MAP4K4: variants seen among roughly 807,000 people sequenced by gnomAD.
MAP4K4 encodes the protein mitogen-activated protein kinase kinase kinase kinase 4, also known as HPK/GCK-like kinase HGK.
In MAP4K4, 38 loss-of-function variants were observed where a neutral mutation model predicts 189.6. The ratio of observed to expected loss-of-function variants is 0.20; its 90% CI spans 0.15 to 0.26. The LOEUF (loss-of-function observed/expected upper bound fraction) is 0.26. Among genes scored for constraint, MAP4K4 ranks in the 10% least tolerant of loss-of-function variants. The pLI, the probability that MAP4K4 is intolerant of heterozygous loss-of-function variation, is 1.00. For synonymous variants in MAP4K4, 610 were observed against 624.3 expected (o/e 0.98, Z 0.34); for missense variants, 1,054 against 1,726.9 (o/e 0.61, Z 6.91).
At chr2:101,890,472 T>C (rs1384136112) in intron 32 of MAP4K4, among the ~76,000 whole-genome samples, 1 of 152,198 alleles carries the variant, frequency 6.6e-6, no homozygotes, top group Admixed American at 6.5e-5. Flanking sequence ...TTTGTTTGTT[T>C]TGGTGACGGA....
chr2:101,862,240 TAAAAAAAAAAAAAAAA>T (rs57229844), intron 16 of MAP4K4: 2 of 59,104 alleles, frequency 3.4e-5, no homozygotes, highest in Non-Finnish European at 5.9e-5. Context: ...GACTCCATCT[TAAAAAAAAAAAAAAAA>T]AAAAAAAAAA....
At chr2:101,725,971 T>C (rs894268091) in intron 2 of MAP4K4, among the ~76,000 whole-genome samples, 2 of 147,538 alleles carry the variant, frequency 1.4e-5, no homozygotes, top group African/African-American at 5.4e-5. Context: ...GGATAAAAGC[T>C]GAGTGTTCTT....
intron 2 of MAP4K4, among the ~76,000 whole-genome samples, chr2:101,774,493 GTC>G (rs1354780009): frequency 6.6e-6 from 1 of 152,052 alleles, no homozygotes; most frequent in African/African-American, 2.4e-5. Context: ...TGCAAATATT[GTC>G]TCTCATTCTG....
At chr2:101,764,867 A>C (rs532668166) in intron 2 of MAP4K4, among the ~76,000 whole-genome samples, 1 of 152,308 alleles carries the variant, frequency 6.6e-6, no homozygotes, top group Admixed American at 6.5e-5. Context: ...GATGCTTTTA[A>C]GTGAAATAAT....
At chr2:101,717,671 A>G (rs1044070969) in intron 2 of MAP4K4, among the ~76,000 whole-genome samples, 3 of 152,204 alleles carry the variant, frequency 2.0e-5, no homozygotes, top group African/African-American at 7.2e-5. Flanking sequence ...TGCGCAAGCC[A>G]TTTGTTTCTG....
At chr2:101,886,219 T>G (rs1328798179) in intron 29 of MAP4K4, among the ~76,000 whole-genome samples, 1 of 152,256 alleles carries the variant, frequency 6.6e-6, no homozygotes, top group Non-Finnish European at 1.5e-5. Flanking sequence ...ACCGTACTAG[T>G]TGGTTTTATA....
intron 2 of MAP4K4, among the ~76,000 whole-genome samples, chr2:101,789,910 T>G (rs2148790405): frequency 6.6e-6 from 1 of 152,110 alleles, no homozygotes; most frequent in East Asian, 1.9e-4. Context: ...TATAAATGGG[T>G]TATAGGATTT....
chr2:101,870,628 C>G (rs1559277526), intron 23 of MAP4K4: 1 of 555,714 alleles, frequency 1.8e-6, no homozygotes, highest in Non-Finnish European at 3.2e-6. Flanking sequence ...CATCGCTGCT[C>G]CTCTGCATGT....
intron 2 of MAP4K4, among the ~76,000 whole-genome samples, chr2:101,729,499 A>T (rs1444256526): frequency 6.6e-6 from 1 of 152,208 alleles, no homozygotes; most frequent in Non-Finnish European, 1.5e-5. Flanking sequence ...TGCAGTCAAG[A>T]TAGTTTGAAA....
chr2:101,888,914 C>G (rs1381812188), exon 32 of MAP4K4: 1 of 1,611,874 alleles, frequency 6.2e-7, no homozygotes. Context: ...GACTAAAATT[C>G]TTGTGTGAAC....
At chr2:101,842,889 G>A (rs1408754673) in intron 11 of MAP4K4, among the ~76,000 whole-genome samples, 1 of 152,128 alleles carries the variant, frequency 6.6e-6, no homozygotes. Context: ...CTTTACCAAG[G>A]GTTGTATTGT....
rs1262387020 is a variant in MAP4K4, at chr2:101,813,865, C to CCTGTAGAG, written c.181-10063_181-10062insCTGTAGAG. 2.0e-5 allele frequency among the ~76,000 whole-genome samples: 3 copies of CCTGTAGAG among 152,148 alleles called. No homozygotes were observed. In the East Asian group the frequency reaches 5.8e-4, roughly 29 times the overall value. ...TGGTAGCCCTGTAGAGTCAGATTTCCTCAGATCTTGGTCAAGTGTAGTAGT... is the reference window on the plus strand; with the variant it reads ...TGGTAGCCCTGTAGAGTCAGATTTCCCTGTAGAGTCAGATCTTGGTCAAGTGTAGTAGT... On this transcript the variant is annotated intron_variant, in intron 3 of 32. Transcript: ENST00000324219.
chr2:101,853,102 GA>G, intron 12 of MAP4K4, among the ~76,000 whole-genome samples: 1 of 152,308 alleles, frequency 6.6e-6, no homozygotes, highest in East Asian at 1.9e-4. Context: ...GGCCCCAAGT[GA>G]AATGATCAGG....
intron 22 of MAP4K4, chr2:101,870,073 T>C (rs948686573): frequency 1.6e-6 from 1 of 616,952 alleles, no homozygotes; most frequent in Admixed American, 3.2e-5. Context: ...ATAACTACTT[T>C]AATTAGCCAT....
At chr2:101,851,731 T>G (rs2097292543) in intron 12 of MAP4K4, among the ~76,000 whole-genome samples, 1 of 74,608 alleles carries the variant, frequency 1.3e-5, no homozygotes, top group South Asian at 4.0e-4. Context: ...CCTCTTTTTT[T>G]TTTTTTTTTT....
At chr2:101,704,216 G>T (rs1015179805) in intron 2 of MAP4K4, among the ~76,000 whole-genome samples, 6 of 152,000 alleles carry the variant, frequency 3.9e-5, no homozygotes, top group Admixed American at 3.9e-4. Context: ...CCACTGAGAG[G>T]CATGTTCAGG....
intron 2 of MAP4K4, among the ~76,000 whole-genome samples, chr2:101,709,210 AT>A (rs1275558600): frequency 1.3e-5 from 2 of 152,050 alleles, no homozygotes; most frequent in Non-Finnish European, 2.9e-5. Flanking sequence ...GAGTTTATTT[AT>A]TTATATTTTG....
chr2:101,887,346 G>T, intron 30 of MAP4K4, 109 bp downstream of exon 30: 1 of 1,092,298 alleles, frequency 9.2e-7, no homozygotes, highest in Non-Finnish European at 1.3e-6. Flanking sequence ...ATTTCCCCTT[G>T]GTGTGGGGGT....
intron 2 of MAP4K4, among the ~76,000 whole-genome samples, chr2:101,703,880 G>C (rs774241140): frequency 5.3e-5 from 8 of 151,956 alleles, no homozygotes; most frequent in Non-Finnish European, 8.8e-5. Flanking sequence ...GCGTGGTGGC[G>C]CGTGCCTCTA....
Sources: gnomAD v4.1 joint callset for allele counts (sites outside exome capture counted in the v4.1 genomes callset) on GRCh38, gnomAD v4.1.1 for gene constraint, MANE v1.5 for transcripts, NCBI Gene and HGNC (gene_info 2026-07-23, HGNC 2026-07-21) for gene names.